PUM2: variants seen among roughly 807,000 people sequenced by gnomAD.
PUM2 encodes pumilio homolog 2.
In PUM2, 57 loss-of-function variants were observed where a neutral mutation model predicts 124.5. The observed-to-expected ratio is 0.46, with a 90% CI of 0.37 to 0.57. The LOEUF (loss-of-function observed/expected upper bound fraction) is 0.57. PUM2 is among the 20% of genes least tolerant of loss of function. PUM2 has a pLI of 0.00. For synonymous variants in PUM2, 460 were observed against 446.1 expected (o/e 1.03, Z -0.39); for missense variants, 1,065 against 1,290.6 (o/e 0.83, Z 2.68).
chr2:20,349,875 A>G (rs755474979), intron 1 of PUM2, among the ~76,000 whole-genome samples: 1 of 152,244 alleles, frequency 6.6e-6, no homozygotes, highest in Non-Finnish European at 1.5e-5. Context: ...TAAAAAGCTA[A>G]GTTAAGTAGG....
At chr2:20,300,435 C>A (rs1676697993) in intron 7 of PUM2, among the ~76,000 whole-genome samples, 1 of 152,224 alleles carries the variant, frequency 6.6e-6, no homozygotes. Flanking sequence ...AGGCGTGAGC[C>A]ATAGCACCCG....
intron 13 of PUM2, among the ~76,000 whole-genome samples, chr2:20,264,105 G>A (rs1406859483): frequency 2.6e-5 from 4 of 151,300 alleles, no homozygotes; most frequent in Non-Finnish European, 5.9e-5. Context: ...TTGGATGGTC[G>A]AGGAGGGCGG....
chr2:20,350,041 T>C (rs1388833786), intron 1 of PUM2, among the ~76,000 whole-genome samples: 1 of 152,240 alleles, frequency 6.6e-6, no homozygotes, highest in Non-Finnish European at 1.5e-5. Flanking sequence ...TTAATTTACA[T>C]ATTTTTCTGA....
At chr2:20,279,409 C>T (rs7589798) in intron 12 of PUM2, among the ~76,000 whole-genome samples, 21,483 of 152,062 alleles carry the variant, frequency 0.14, 1,817 homozygotes, top group East Asian at 0.24. Context: ...CGCATTCTCC[C>T]TTGTTCTTTA....
chr2:20,351,227 CT>C (rs1689311085), upstream of PUM2, among the ~76,000 whole-genome samples: 6 of 152,302 alleles, frequency 3.9e-5, 1 homozygote, highest in South Asian at 1.2e-3. Flanking sequence ...GTGCGGGTGT[CT>C]GCGCCCGCGC....
At chr2:20,258,600 C>T (rs1665393327) in intron 15 of PUM2, among the ~76,000 whole-genome samples, 1 of 149,792 alleles carries the variant, frequency 6.7e-6, no homozygotes, top group South Asian at 2.1e-4. Context: ...TGTTAACTAC[C>T]TTTTAAAGAA....
intron 15 of PUM2, among the ~76,000 whole-genome samples, chr2:20,259,898 TTA>T (rs1335717948): frequency 6.6e-6 from 1 of 152,220 alleles, no homozygotes. Context: ...CACCAGCAAT[TTA>T]TGAGGGCTCT....
intron 13 of PUM2, among the ~76,000 whole-genome samples, chr2:20,270,123 C>A (rs1028066752): frequency 6.6e-6 from 1 of 152,144 alleles, no homozygotes; most frequent in African/African-American, 2.4e-5. Flanking sequence ...TACCCCTAAC[C>A]CCGCAAAAGA....
At chr2:20,306,214 A>T (rs149913503) in intron 7 of PUM2, among the ~76,000 whole-genome samples, 1,557 of 152,250 alleles carry the variant, frequency 0.01, 23 homozygotes, top group African/African-American at 0.035. Flanking sequence ...TCAAAGAAAC[A>T]ACAACAAAAA....
intron 7 of PUM2, among the ~76,000 whole-genome samples, chr2:20,304,523 T>G (rs947850055): frequency 3.9e-5 from 6 of 152,226 alleles, no homozygotes; most frequent in African/African-American, 1.4e-4. Flanking sequence ...TACTGGAACA[T>G]AGCAATATTT....
chr2:20,332,424 C>T (rs1319723185), intron 1 of PUM2, among the ~76,000 whole-genome samples: 1 of 149,136 alleles, frequency 6.7e-6, no homozygotes, highest in East Asian at 1.9e-4. Flanking sequence ...AAAAAAAAAC[C>T]CACCCCCATC....
intron 20 of PUM2, 103 bp from the exon 21 acceptor site, chr2:20,251,819 T>TA (rs1245500042): frequency 2.3e-5 from 31 of 1,366,712 alleles, no homozygotes; most frequent in Admixed American, 1.1e-4. Context: ...TAACTGCAAT[T>TA]AAAAAAAATT....
intron 10 of PUM2, among the ~76,000 whole-genome samples, chr2:20,286,272 A>C (rs915679477): frequency 6.6e-6 from 1 of 152,250 alleles, no homozygotes; most frequent in Non-Finnish European, 1.5e-5. Context: ...AATGAGGACC[A>C]AGTCAAAATA....
chr2:20,338,260 G>A (rs569191910), intron 1 of PUM2, among the ~76,000 whole-genome samples: 1 of 152,276 alleles, frequency 6.6e-6, no homozygotes, highest in South Asian at 2.1e-4. Context: ...AGCCGGGTAT[G>A]GCAGCGTGTG....
chr2:20,301,416 G>A (rs376709404), intron 7 of PUM2, among the ~76,000 whole-genome samples: 41 of 152,124 alleles, frequency 2.7e-4, no homozygotes, highest in African/African-American at 9.2e-4. Flanking sequence ...TTCAAATACT[G>A]GGAGATATAA....
chr2:20,304,456 A>C (rs1677738097), intron 7 of PUM2, among the ~76,000 whole-genome samples: 1 of 152,276 alleles, frequency 6.6e-6, no homozygotes, highest in South Asian at 2.1e-4. Flanking sequence ...AAAAAATAAA[A>C]TTCAAACACA....
At chr2:20,257,131 C>T (rs1253681279) in intron 16 of PUM2, among the ~76,000 whole-genome samples, 1 of 145,890 alleles carries the variant, frequency 6.9e-6, no homozygotes, top group African/African-American at 2.5e-5. Context: ...ACTGCTAATG[C>T]TTTTATTTTT....
intron 2 of PUM2, among the ~76,000 whole-genome samples, chr2:20,318,869 A>G (rs1280517310): frequency 6.6e-6 from 1 of 152,162 alleles, no homozygotes; most frequent in African/African-American, 2.4e-5. Flanking sequence ...ATCAAAATCT[A>G]CTTCTGACTT....
In PUM2 at chr2:20,290,689, T is replaced by C; in HGVS notation, c.1254A>G (p.Thr418=). Residue 418 remains threonine (T), a synonymous_variant, in exon 10 of 21, where the codon ACA becomes ACG. Transcript: ENST00000361078. ...TAGCAAGACCCTGACCAAAAGCCAATGTTGGATTTGCTGCTGCAGCTGCCG... is the reference window on the plus strand; with the variant it reads ...TAGCAAGACCCTGACCAAAAGCCAACGTTGGATTTGCTGCTGCAGCTGCCG... ...SLAAAAAANP[T]LAFGQGLATG... The C allele has an allele frequency of 1.2e-6, 2 of 1,613,208 alleles. No individual in the cohort carries two copies. The highest frequency in any genetic ancestry group is 1.7e-6 in the Non-Finnish European group (2 of 1,179,796).
Sources: gnomAD v4.1 joint callset for allele counts (sites outside exome capture counted in the v4.1 genomes callset) on GRCh38, gnomAD v4.1.1 for gene constraint, MANE v1.5 for transcripts, NCBI Gene and HGNC (gene_info 2026-07-23, HGNC 2026-07-21) for gene names.